Variants in NPR3 observed in about 807,000 individuals in gnomAD.
The protein encoded by NPR3 is natriuretic peptide receptor 3.
Under a neutral mutation model 54.5 loss-of-function variants are expected in NPR3, and 34 were observed. The ratio of observed to expected loss-of-function variants is 0.62; its 90% CI spans 0.47 to 0.83. The LOEUF (loss-of-function observed/expected upper bound fraction) is 0.83. Among genes scored for constraint, NPR3 ranks in the 40% least tolerant of loss-of-function variants. The pLI is 0.00. For missense variants in NPR3, 674 were observed against 720.8 expected, an observed-to-expected ratio of 0.94 and a Z score of 0.74; for synonymous variants, 289 against 297.1, an observed-to-expected ratio of 0.97 and a Z score of 0.28.
intron 1 of NPR3, among the ~76,000 whole-genome samples, chr5:32,714,081 G>T (rs1016745204): frequency 2.0e-5 from 3 of 152,226 alleles, no homozygotes; most frequent in East Asian, 3.8e-4. Flanking sequence ...TCTGCGCCCC[G>T]GGCTGCTAAG....
intron 3 of NPR3, among the ~76,000 whole-genome samples, chr5:32,767,397 G>A (rs1235890605): frequency 6.6e-6 from 1 of 152,150 alleles, no homozygotes; most frequent in Non-Finnish European, 1.5e-5. Context: ...TGTTTTGTAA[G>A]GTGCAACAGA....
At chr5:32,732,728 T>C (rs190929508) in intron 2 of NPR3, among the ~76,000 whole-genome samples, 24 of 152,348 alleles carry the variant, frequency 1.6e-4, no homozygotes, top group African/African-American at 5.1e-4. Context: ...CAGATATATA[T>C]GTTCATGAAA....
rs749912142 is a variant in NPR3, at chr5:32,789,799, T to C, written c.*3454T>C. Reference sequence around the variant, plus strand: ...TGCAGATAGTGATGGATTCAGAAAGTAGGTTCCAGTGGCGTCACTACCTTC... The same window carrying C: ...TGCAGATAGTGATGGATTCAGAAAGCAGGTTCCAGTGGCGTCACTACCTTC... On this transcript the variant is annotated 3_prime_UTR_variant, in exon 8 of 8. Coordinates refer to ENST00000265074, the MANE Select transcript of NPR3 (RefSeq NM_001204375.2). The C allele has an allele frequency of 2.0e-6, 1 of 508,004 alleles. No individual in the cohort carries two copies. The highest frequency in any genetic ancestry group is 4.0e-6 in the Non-Finnish European group (1 of 247,724). The allele number at this position is 508,004 out of a possible 1,614,324, so 31.5% of individuals were successfully genotyped here.
intron 3 of NPR3, among the ~76,000 whole-genome samples, chr5:32,766,891 C>A (rs1238928994): frequency 6.6e-6 from 1 of 152,222 alleles, no homozygotes; most frequent in African/African-American, 2.4e-5. Flanking sequence ...TGACCTGAGT[C>A]AAGCTGTTGT....
intron 3 of NPR3, among the ~76,000 whole-genome samples, chr5:32,756,118 G>A (rs972500125): frequency 2.6e-5 from 4 of 152,232 alleles, no homozygotes; most frequent in African/African-American, 9.6e-5. Flanking sequence ...TATATACCCA[G>A]TAATGGGATG....
chr5:32,713,165 CT>C, intron 1 of NPR3: 1 of 985,378 alleles, frequency 1.0e-6, no homozygotes, highest in Non-Finnish European at 1.2e-6. Flanking sequence ...AAAAATGCCC[CT>C]GTGTGTCTGA....
At chr5:32,761,030 A>G (rs1741135257) in intron 3 of NPR3, among the ~76,000 whole-genome samples, 2 of 151,882 alleles carry the variant, frequency 1.3e-5, no homozygotes, top group African/African-American at 4.8e-5. Flanking sequence ...CTATTTGTCT[A>G]TTCTTACACC....
chr5:32,720,152 A>G (rs1477106459), intron 1 of NPR3, among the ~76,000 whole-genome samples: 2 of 152,214 alleles, frequency 1.3e-5, no homozygotes, highest in East Asian at 3.8e-4. Context: ...ACTCTTGACC[A>G]TGTGACAAAA....
intron 2 of NPR3, among the ~76,000 whole-genome samples, chr5:32,738,433 C>T (rs10062135): frequency 2.4e-3 from 372 of 152,198 alleles, no homozygotes; most frequent in African/African-American, 8.6e-3. Flanking sequence ...TGTGACCTGC[C>T]GTCCCACACA....
At chr5:32,776,061 A>G (rs1372891415) in intron 4 of NPR3, among the ~76,000 whole-genome samples, 1 of 152,204 alleles carries the variant, frequency 6.6e-6, no homozygotes, top group African/African-American at 2.4e-5. Context: ...GTGTATCACT[A>G]TTAATGATTT....
intron 3 of NPR3, among the ~76,000 whole-genome samples, chr5:32,746,864 T>C (rs1168637235): frequency 6.6e-6 from 1 of 152,224 alleles, no homozygotes; most frequent in Non-Finnish European, 1.5e-5. Context: ...CCTTTAACAG[T>C]TGGTTCTGTC....
intron 3 of NPR3, among the ~76,000 whole-genome samples, chr5:32,760,123 ATGT>A (rs1741078628): frequency 6.8e-6 from 1 of 147,116 alleles, no homozygotes; most frequent in African/African-American, 2.5e-5. Flanking sequence ...CTGTTGATGG[ATGT>A]TTTTTTTTTT....
chr5:32,709,885 T>A (rs556326423), upstream of NPR3: 1 of 152,066 alleles, frequency 6.6e-6, no homozygotes, highest in East Asian at 1.9e-4. Context: ...CCGGGTTGAG[T>A]CGGGTGCAAG....
chr5:32,755,512 G>A (rs1191254192), intron 3 of NPR3, among the ~76,000 whole-genome samples: 1 of 152,186 alleles, frequency 6.6e-6, no homozygotes, highest in African/African-American at 2.4e-5. Context: ...ACTATGTGCT[G>A]TGAGGACAAT....
intron 1 of NPR3, among the ~76,000 whole-genome samples, chr5:32,702,092 A>G (rs1158634733): frequency 6.6e-6 from 1 of 152,136 alleles, no homozygotes; most frequent in East Asian, 1.9e-4. Context: ...AAAGCCAGCC[A>G]GGCTTGTGTT....
In NPR3 at chr5:32,760,186, G is replaced by GT. The variant is rs144099075; in HGVS notation, c.1060-14515dup. Among the ~76,000 whole-genome samples, 730 of 151,748 alleles carry GT rather than the reference G, an allele frequency of 4.8e-3. 4 individuals are homozygous for GT. Among genetic ancestry groups the GT allele is most frequent in the African/African-American group, 0.017 (696 of 41,384 alleles). ...AGCTGCAATGAGCATTCTTGAATAC[G>GT]TTTTTTTGCGGACCCATGCTTTCAT... On this transcript the variant is annotated intron_variant, in intron 3 of 7. Transcript: ENST00000265074.
chr5:32,775,441 C>G (rs934235354), intron 4 of NPR3, among the ~76,000 whole-genome samples: 1 of 151,870 alleles, frequency 6.6e-6, no homozygotes, highest in African/African-American at 2.4e-5. Context: ...ATTACAGGCG[C>G]CTGCCACCAC....
chr5:32,721,862 C>T (rs1415523142), intron 1 of NPR3, among the ~76,000 whole-genome samples: 1 of 152,102 alleles, frequency 6.6e-6, no homozygotes. Context: ...CTTGTGAGGA[C>T]CTTCTTGCTG....
intron 7 of NPR3, among the ~76,000 whole-genome samples, 170 bp from the exon 8 acceptor site, chr5:32,786,064 G>A (rs1742600043): frequency 6.6e-6 from 1 of 152,152 alleles, no homozygotes; most frequent in South Asian, 2.1e-4. Flanking sequence ...CTTGAATAAG[G>A]GCACCATGCC....
Sources: gnomAD v4.1 joint callset for allele counts (sites outside exome capture counted in the v4.1 genomes callset) on GRCh38, gnomAD v4.1.1 for gene constraint, MANE v1.5 for transcripts, NCBI Gene and HGNC (gene_info 2026-07-23, HGNC 2026-07-21) for gene names.